TEAD1: variants seen among roughly 807,000 people sequenced by gnomAD.
TEAD1 encodes the protein transcriptional enhancer factor TEF-1.
A neutral mutation model predicts 54.9 loss-of-function variants in TEAD1; 9 were observed. That is an observed-to-expected ratio of 0.16 (90% CI 0.10 to 0.29). TEAD1 has a LOEUF of 0.29. TEAD1 is among the 10% of genes least tolerant of loss of function. TEAD1 has a pLI of 1.00. For missense variants in TEAD1, 387 were observed against 535.9 expected, an observed-to-expected ratio of 0.72 and a Z score of 2.74; for synonymous variants, 200 against 187.8, an observed-to-expected ratio of 1.07 and a Z score of -0.53.
At chr11:12,877,872 A>G (rs1342625334) in intron 5 of TEAD1, among the ~76,000 whole-genome samples, 1 of 147,968 alleles carries the variant, frequency 6.8e-6, no homozygotes, top group Non-Finnish European at 1.5e-5. Flanking sequence ...AACACAGCTC[A>G]TTGCAGCCTT....
intron 3 of TEAD1, among the ~76,000 whole-genome samples, chr11:12,778,469 C>G (rs1413364610): frequency 6.6e-6 from 1 of 152,030 alleles, no homozygotes; most frequent in African/African-American, 2.4e-5. Flanking sequence ...CTAATTTTTC[C>G]CTCTCTTATG....
At chr11:12,915,554 C>G (rs974810457) in intron 10 of TEAD1, among the ~76,000 whole-genome samples, 26 of 152,180 alleles carry the variant, frequency 1.7e-4, no homozygotes, top group Non-Finnish European at 3.1e-4. Flanking sequence ...TTAAACCAAA[C>G]AGATCCAGGA....
chr11:12,750,488 T>A (rs1944848348), intron 2 of TEAD1, among the ~76,000 whole-genome samples: 1 of 152,194 alleles, frequency 6.6e-6, no homozygotes, highest in Non-Finnish European at 1.5e-5. Context: ...TACTTTTGAT[T>A]TAAAAGTTCA....
intron 9 of TEAD1, among the ~76,000 whole-genome samples, chr11:12,885,952 A>G (rs755330553): frequency 6.6e-6 from 1 of 152,240 alleles, no homozygotes; most frequent in Non-Finnish European, 1.5e-5. Context: ...TATAATGCCT[A>G]GCAGGGGAGA....
chr11:12,835,540 C>G (rs1946869790), intron 3 of TEAD1, among the ~76,000 whole-genome samples: 1 of 150,176 alleles, frequency 6.7e-6, no homozygotes, highest in African/African-American at 2.5e-5. Flanking sequence ...AGGCTGGTCT[C>G]AACTCCTGGC....
At chr11:12,909,478 AACACAGGG>A (rs80282739) in intron 10 of TEAD1, among the ~76,000 whole-genome samples, 14,192 of 151,246 alleles carry the variant, frequency 0.094, 1,229 homozygotes, top group African/African-American at 0.23. Flanking sequence ...GAACAATGAG[AACACAGGG>A]ACACAGGGAG....
chr11:12,675,249 C>T (rs1943055493), intron 1 of TEAD1, among the ~76,000 whole-genome samples, 160 bp from the exon 2 acceptor site: 1 of 151,878 alleles, frequency 6.6e-6, no homozygotes, highest in Admixed American at 6.6e-5. Context: ...CGCCTCGGAG[C>T]CCGGAGCCGG....
chr11:12,697,793 C>T lies in TEAD1; in HGVS notation c.-55+22232C>T, dbSNP rs367928270. Among the ~76,000 whole-genome samples, 290 of 152,204 alleles carry T rather than the reference C, an allele frequency of 1.9e-3. 2 individuals are homozygous for T. Among genetic ancestry groups the T allele is most frequent in the African/African-American group, 6.8e-3 (283 of 41,538 alleles). Reference sequence around the variant, plus strand: ...AATCCCAGCACTTGGGAGGCCGAGGCGGGCGGATCACTAGAGCTCTGGAGT... The same window carrying T: ...AATCCCAGCACTTGGGAGGCCGAGGTGGGCGGATCACTAGAGCTCTGGAGT... On this transcript the variant is annotated intron_variant, in intron 2 of 12. Transcript: ENST00000527636.
intron 2 of TEAD1, among the ~76,000 whole-genome samples, chr11:12,747,105 TC>T (rs528376525): frequency 9.2e-5 from 14 of 152,342 alleles, no homozygotes; most frequent in African/African-American, 3.1e-4. Flanking sequence ...CCTGAGGCTG[TC>T]CTTGTAATTC....
At chr11:12,741,739 C>A (rs1055534081) in intron 2 of TEAD1, among the ~76,000 whole-genome samples, 3 of 152,084 alleles carry the variant, frequency 2.0e-5, no homozygotes, top group Non-Finnish European at 4.4e-5. Flanking sequence ...GTCAAAAAGT[C>A]TTTTTTCCCC....
At chr11:12,903,531 T>C (rs1040269701) in intron 10 of TEAD1, among the ~76,000 whole-genome samples, 8 of 152,240 alleles carry the variant, frequency 5.3e-5, no homozygotes, top group Non-Finnish European at 1.2e-4. Context: ...ATTTGGTTAG[T>C]AGTCCAGGCA....
At chr11:12,771,763 G>C (rs1219871359) in intron 3 of TEAD1, among the ~76,000 whole-genome samples, 2 of 152,172 alleles carry the variant, frequency 1.3e-5, no homozygotes, top group African/African-American at 4.8e-5. Flanking sequence ...ATAATGGCCT[G>C]TGATGCCCAG....
chr11:12,860,187 A>G (rs1947469923), intron 3 of TEAD1, among the ~76,000 whole-genome samples: 1 of 152,154 alleles, frequency 6.6e-6, no homozygotes, highest in African/African-American at 2.4e-5. Flanking sequence ...TAAATAAGGG[A>G]CTGGACTTCT....
chr11:12,774,485 A>G (rs928796101), intron 3 of TEAD1, among the ~76,000 whole-genome samples: 1 of 152,204 alleles, frequency 6.6e-6, no homozygotes, highest in Non-Finnish European at 1.5e-5. Context: ...AGCAGAGAGC[A>G]GAACAGTGGG....
intron 2 of TEAD1, among the ~76,000 whole-genome samples, chr11:12,702,132 C>T (rs1943716900): frequency 6.6e-6 from 1 of 152,118 alleles, no homozygotes; most frequent in South Asian, 2.1e-4. Flanking sequence ...CCATGGTGTG[C>T]CCAGAAATGG....
chr11:12,806,653 A>G (rs1387340527), intron 3 of TEAD1, among the ~76,000 whole-genome samples: 8 of 152,246 alleles, frequency 5.3e-5, no homozygotes, highest in African/African-American at 9.6e-5. Context: ...CTAACTTCCA[A>G]CTGCCTTTCA....
chr11:12,764,915 A>G (rs1400942867), intron 3 of TEAD1, among the ~76,000 whole-genome samples: 1 of 149,570 alleles, frequency 6.7e-6, no homozygotes, highest in Non-Finnish European at 1.5e-5. Flanking sequence ...ACTCTTTTTA[A>G]AAAGCCAGCA....
chr11:12,708,243 A>G (rs1010026168), intron 2 of TEAD1, among the ~76,000 whole-genome samples: 7 of 151,724 alleles, frequency 4.6e-5, no homozygotes, highest in South Asian at 2.1e-4. Context: ...TGCTAGGGCT[A>G]AGGACCTCTT....
chr11:12,851,591 C>T (rs913180785), intron 3 of TEAD1, among the ~76,000 whole-genome samples: 1 of 149,008 alleles, frequency 6.7e-6, no homozygotes, highest in Non-Finnish European at 1.5e-5. Context: ...GTCAGGAGTT[C>T]GAGACCAGCC....
Sources: gnomAD v4.1 joint callset for allele counts (sites outside exome capture counted in the v4.1 genomes callset) on GRCh38, gnomAD v4.1.1 for gene constraint, MANE v1.5 for transcripts, NCBI Gene and HGNC (gene_info 2026-07-23, HGNC 2026-07-21) for gene names.